FRMPD4: variants seen among roughly 807,000 people sequenced by gnomAD.
FRMPD4 encodes the protein FERM and PDZ domain-containing protein 4.
In FRMPD4, 22 loss-of-function variants were observed where a neutral mutation model predicts 94.1. That is an observed-to-expected ratio of 0.23 (90% CI 0.17 to 0.33). The LOEUF is 0.33. Ranked by LOEUF, FRMPD4 falls within the 10% of genes least tolerant of loss-of-function variation. The pLI, the probability that FRMPD4 is intolerant of heterozygous loss-of-function variation, is 1.00. For missense variants in FRMPD4, 1,111 were observed against 1,339.9 expected, an observed-to-expected ratio of 0.83 and a Z score of 2.67; for synonymous variants, 631 against 548.6, an observed-to-expected ratio of 1.15 and a Z score of -2.10.
chrX:12,167,730 G>C (rs746014073), intron 1 of FRMPD4, among the ~76,000 whole-genome samples: 1 of 111,678 alleles, frequency 9.0e-6, no homozygotes, highest in Non-Finnish European at 1.9e-5. Flanking sequence ...TGGACTTTCC[G>C]GCTACAACAT....
intron 1 of FRMPD4, among the ~76,000 whole-genome samples, chrX:12,456,130 A>G (rs2057331073): frequency 8.9e-6 from 1 of 112,134 alleles, no homozygotes; most frequent in African/African-American, 3.2e-5. Flanking sequence ...AAGATAACAG[A>G]CCTACATTAT....
chrX:12,575,822 AGGAATGTGAG>A, intron 2 of FRMPD4, among the ~76,000 whole-genome samples: 1 of 112,094 alleles, frequency 8.9e-6, no homozygotes, highest in East Asian at 2.8e-4. Flanking sequence ...CCATGAGCCA[AGGAATGTGAG>A]CAGCCTCTAG....
intron 1 of FRMPD4, among the ~76,000 whole-genome samples, chrX:12,284,974 A>G (rs2054579937): frequency 8.9e-6 from 1 of 112,175 alleles, no homozygotes; most frequent in Non-Finnish European, 1.9e-5. Flanking sequence ...TAAAGCATTG[A>G]GGAACATACT....
At chrX:12,419,776 C>G (rs1284641868) in intron 1 of FRMPD4, among the ~76,000 whole-genome samples, 1 of 111,479 alleles carries the variant, frequency 9.0e-6, no homozygotes, top group Non-Finnish European at 1.9e-5. Flanking sequence ...TCTGGAAATG[C>G]TTTTCCTCTG....
intron 1 of FRMPD4, among the ~76,000 whole-genome samples, chrX:12,497,417 A>C (rs1385644914): frequency 1.8e-5 from 2 of 108,768 alleles, no homozygotes; most frequent in Non-Finnish European, 3.8e-5. Context: ...TTGTTGTTTT[A>C]ATAGTACCTC....
chrX:12,382,422 T>G (rs1454386248), intron 1 of FRMPD4, among the ~76,000 whole-genome samples: 2 of 109,771 alleles, frequency 1.8e-5, no homozygotes, highest in African/African-American at 6.8e-5. Flanking sequence ...TTGGGGATGC[T>G]GTGACCCAGA....
intron 3 of FRMPD4, among the ~76,000 whole-genome samples, chrX:11,925,151 AAAC>A (rs1437231654): frequency 1.8e-5 from 2 of 110,490 alleles, no homozygotes; most frequent in Non-Finnish European, 3.8e-5. Flanking sequence ...AAAAAAAAAA[AAAC>A]ATGAAGAAGG....
At chrX:11,934,491 A>C (rs749567619) in intron 3 of FRMPD4, among the ~76,000 whole-genome samples, 7 of 111,903 alleles carry the variant, frequency 6.3e-5, no homozygotes, top group African/African-American at 2.3e-4. Context: ...TAATTTACTT[A>C]AGTCATGAGA....
chrX:12,697,102 A>G lies in FRMPD4; in HGVS notation c.933+2648A>G, dbSNP rs925248823. 5.3e-5 allele frequency among the ~76,000 whole-genome samples: 6 copies of G among 112,596 alleles called. No homozygotes were observed. In the East Asian group the frequency reaches 1.1e-3, roughly 21 times the overall value. On this transcript the variant is annotated intron_variant, in intron 9 of 16. Coordinates refer to ENST00000675598, the MANE Select transcript of FRMPD4 (RefSeq NM_001368397.1). ...ATTGGGAAAAGTCAAGTCCTGTTCAATGAACCCTGTTGACCAAGTAAAGAA... is the reference window on the plus strand; with the variant it reads ...ATTGGGAAAAGTCAAGTCCTGTTCAGTGAACCCTGTTGACCAAGTAAAGAA...
At chrX:12,182,577 A>AATAT (rs1251244591) in intron 1 of FRMPD4, among the ~76,000 whole-genome samples, 2,163 of 107,159 alleles carry the variant, frequency 0.02, 62 homozygotes, top group African/African-American at 0.066. Context: ...TAAATAAATA[A>AATAT]ATATATATAT....
intron 1 of FRMPD4, among the ~76,000 whole-genome samples, chrX:12,481,181 A>G (rs2057675932): frequency 9.0e-6 from 1 of 110,783 alleles, no homozygotes; most frequent in African/African-American, 3.3e-5. Context: ...GCATTTACCC[A>G]ACTGCTTTAG....
chrX:12,250,739 G>T (rs899968432), intron 1 of FRMPD4, among the ~76,000 whole-genome samples: 1 of 111,871 alleles, frequency 8.9e-6, no homozygotes, highest in Non-Finnish European at 1.9e-5. Context: ...AGCAATTGTG[G>T]AATTGCAGAT....
chrX:12,378,555 T>C (rs1378127212), intron 1 of FRMPD4, among the ~76,000 whole-genome samples: 1 of 112,283 alleles, frequency 8.9e-6, no homozygotes, highest in Non-Finnish European at 1.9e-5. Context: ...GCTGGATATA[T>C]TAGGAAGGAC....
In FRMPD4 at chrX:11,982,119, G is replaced by A. The variant is rs914676996; in HGVS notation, c.95+104101G>A. 4.5e-5 allele frequency among the ~76,000 whole-genome samples: 5 copies of A among 110,186 alleles called. No homozygotes were observed. In the East Asian group the frequency reaches 1.4e-3, roughly 31 times the overall value. On this transcript the variant is annotated intron_variant, in intron 3 of 18. Coordinates refer to the FRMPD4 transcript ENST00000640291. ...TTAGAATTTCCTTTAGTGAGAATTT[G>A]TTGTGAGTATATTCTATTTTTGTTT...
intron 15 of FRMPD4, among the ~76,000 whole-genome samples, 171 bp downstream of exon 15, chrX:12,717,304 T>A (rs1453991007): frequency 9.0e-6 from 1 of 111,607 alleles, no homozygotes; most frequent in Admixed American, 9.5e-5. Context: ...TGATTTCCTT[T>A]GTTATTTTTT....
At position 12,367,072 on chromosome X, in the gene FRMPD4, C is replaced by T. The variant is rs192913424; in HGVS notation, c.42-131608C>T. ...TCAGGAGACCAAGCCTTTGCTTTTC[C>T]TGGTCCGTGGCTTGTACTTGCCTGG... On this transcript the variant is annotated intron_variant, in intron 1 of 16. Coordinates refer to ENST00000675598, the MANE Select transcript of FRMPD4 (RefSeq NM_001368397.1). 2.2e-3 allele frequency among the ~76,000 whole-genome samples: 243 copies of T among 112,020 alleles called. 1 individual carries two copies. Among genetic ancestry groups the T allele is most frequent in the Middle Eastern group, 4.6e-3 (1 of 218 alleles).
At chrX:12,376,199 C>G (rs1202837282) in intron 1 of FRMPD4, among the ~76,000 whole-genome samples, 1 of 112,252 alleles carries the variant, frequency 8.9e-6, no homozygotes. Context: ...TTTATAGTCA[C>G]CATTTCCTAC....
chrX:12,055,002 C>G (rs1601907381), intron 3 of FRMPD4: 1 of 111,448 alleles, frequency 9.0e-6, no homozygotes, highest in East Asian at 2.8e-4. Context: ...TAGATGTTTC[C>G]AATGATAAGT....
intron 13 of FRMPD4, among the ~76,000 whole-genome samples, chrX:12,709,447 A>G (rs1294238284): frequency 9.0e-6 from 1 of 111,640 alleles, no homozygotes; most frequent in Admixed American, 9.5e-5. Context: ...TTTTTTCCCT[A>G]TAAGCTCCAA....
Sources: gnomAD v4.1 joint callset for allele counts (sites outside exome capture counted in the v4.1 genomes callset) on GRCh38, gnomAD v4.1.1 for gene constraint, MANE v1.5 for transcripts, NCBI Gene and HGNC (gene_info 2026-07-23, HGNC 2026-07-21) for gene names.